Variants in CHCHD6 observed in about 807,000 individuals in gnomAD.
CHCHD6 encodes MICOS complex subunit MIC25.
In CHCHD6, 28 loss-of-function variants were observed where a neutral mutation model predicts 32.3. That is an observed-to-expected ratio of 0.87 (90% CI 0.64 to 1.19). The LOEUF (loss-of-function observed/expected upper bound fraction) is 1.19. CHCHD6 is among the 50% of genes most tolerant of loss of function. The pLI, the probability that CHCHD6 is intolerant of heterozygous loss-of-function variation, is 0.00. For synonymous variants in CHCHD6, 122 were observed against 117.5 expected, an observed-to-expected ratio of 1.04 and a Z score of -0.25; for missense variants, 333 against 307.0, an observed-to-expected ratio of 1.08 and a Z score of -0.63.
intron 4 of CHCHD6, among the ~76,000 whole-genome samples, chr3:126,750,597 C>A (rs770037929): frequency 7.2e-4 from 109 of 152,344 alleles, no homozygotes; most frequent in South Asian, 1.0e-3. Context: ...TAGGGGCAGG[C>A]CTTGGTTGGG....
intron 4 of CHCHD6, among the ~76,000 whole-genome samples, chr3:126,744,493 T>C (rs1048013553): frequency 3.9e-5 from 6 of 152,190 alleles, no homozygotes; most frequent in African/African-American, 1.2e-4. Context: ...CTCCTGTGTG[T>C]TGGCTATGAG....
intron 4 of CHCHD6, among the ~76,000 whole-genome samples, chr3:126,809,396 A>G (rs1939560661): frequency 6.6e-6 from 1 of 152,202 alleles, no homozygotes; most frequent in Non-Finnish European, 1.5e-5. Flanking sequence ...CTTCAAAGAC[A>G]TGCTCAGGAT....
intron 4 of CHCHD6, among the ~76,000 whole-genome samples, chr3:126,804,349 A>T (rs1249417949): frequency 2.0e-5 from 3 of 152,158 alleles, no homozygotes; most frequent in African/African-American, 7.2e-5. Context: ...GAGAAGAATC[A>T]AATAGACGCA....
At chr3:126,766,810 G>T (rs1227218229) in intron 4 of CHCHD6, 1 of 1,016,938 alleles carries the variant, frequency 9.8e-7, no homozygotes, top group African/African-American at 1.6e-5. Context: ...GATGGCAAAG[G>T]AGCAGGTGTA....
chr3:126,768,633 G>A (rs550251870), intron 4 of CHCHD6, among the ~76,000 whole-genome samples: 1 of 152,212 alleles, frequency 6.6e-6, no homozygotes, highest in Admixed American at 6.5e-5. Context: ...TAAGTTCTTT[G>A]GGGAATCTCG....
intron 5 of CHCHD6, among the ~76,000 whole-genome samples, chr3:126,858,123 T>C (rs938192774): frequency 3.3e-5 from 5 of 152,052 alleles, no homozygotes; most frequent in Non-Finnish European, 7.4e-5. Context: ...GGTGCTGCTG[T>C]TGGAACTCCA....
chr3:126,910,059 T>C (rs1202443843), intron 5 of CHCHD6, among the ~76,000 whole-genome samples: 5 of 152,162 alleles, frequency 3.3e-5, no homozygotes, highest in Non-Finnish European at 7.4e-5. Flanking sequence ...GGCAGATCAC[T>C]TGAGCCCAGG....
chr3:126,778,079 C>T (rs1349103), intron 4 of CHCHD6, among the ~76,000 whole-genome samples: 53,476 of 152,110 alleles, frequency 0.35, 11,540 homozygotes, highest in African/African-American at 0.61. Context: ...TCAAGATTCA[C>T]CTATGCTGTA....
chr3:126,746,676 CAT>C (rs915867436), intron 4 of CHCHD6, among the ~76,000 whole-genome samples: 12 of 152,316 alleles, frequency 7.9e-5, no homozygotes, highest in Middle Eastern at 3.4e-3. Flanking sequence ...CGCCATGTCA[CAT>C]GTGTGGAATT....
chr3:126,882,317 G>A (rs1276398539), intron 5 of CHCHD6, among the ~76,000 whole-genome samples: 1 of 152,196 alleles, frequency 6.6e-6, no homozygotes, highest in Non-Finnish European at 1.5e-5. Flanking sequence ...TTCACGCATG[G>A]AGATGCCTAC....
At chr3:126,846,201 C>G (rs1019860429) in intron 4 of CHCHD6, among the ~76,000 whole-genome samples, 5 of 152,090 alleles carry the variant, frequency 3.3e-5, no homozygotes, top group Admixed American at 1.3e-4. Flanking sequence ...TGAAAGAGAC[C>G]CCACTTATAA....
chr3:126,705,527 T>C (rs1934444393), intron 1 of CHCHD6, among the ~76,000 whole-genome samples: 1 of 152,168 alleles, frequency 6.6e-6, no homozygotes, highest in South Asian at 2.1e-4. Context: ...ATGTAAATAG[T>C]AAGTGGGAGA....
chr3:126,890,502 C>G (rs552930286), intron 5 of CHCHD6, among the ~76,000 whole-genome samples: 1 of 152,254 alleles, frequency 6.6e-6, no homozygotes, highest in East Asian at 1.9e-4. Flanking sequence ...CCCCAGGACT[C>G]TGCGAGGCCC....
intron 4 of CHCHD6, among the ~76,000 whole-genome samples, chr3:126,810,071 GT>G (rs1939594493): frequency 1.3e-5 from 2 of 152,164 alleles, no homozygotes; most frequent in Non-Finnish European, 2.9e-5. Context: ...GAATCAGAGT[GT>G]CTTCATACAA....
At chr3:126,733,422 T>C (rs1018055870) in intron 4 of CHCHD6, among the ~76,000 whole-genome samples, 200 bp downstream of exon 4, 2 of 152,188 alleles carry the variant, frequency 1.3e-5, no homozygotes, top group Non-Finnish European at 2.9e-5. Flanking sequence ...TGTCAGTGAT[T>C]TGCTTTGCTG....
intron 4 of CHCHD6, among the ~76,000 whole-genome samples, chr3:126,803,583 G>C (rs573911446): frequency 1.9e-3 from 294 of 152,068 alleles, no homozygotes; most frequent in South Asian, 7.5e-3. Flanking sequence ...GAGTGACCTA[G>C]AAAGAGACTT....
rs6804224 is a variant in CHCHD6, at chr3:126,704,269, C to T, written c.-44C>T. The T allele has an allele frequency of 5.8e-3, 8,765 of 1,520,410 alleles. 270 individuals are homozygous for T. The African/African-American group carries it at 0.081, about 14-fold the overall frequency. 94.2% of individuals were successfully genotyped at this position (1,520,410 alleles called of 1,614,324 possible). A position where few individuals can be genotyped will look rare whatever the true frequency, so the allele number is the denominator to read the frequency against. On this transcript the variant is annotated 5_prime_UTR_variant, in exon 1 of 8. Coordinates refer to ENST00000290913, the MANE Select transcript of CHCHD6 (RefSeq NM_032343.3). Reference sequence around the variant, plus strand: ...CGTTGTTGGCCCGGTTGCTCTGGAGCCGGGTCTCGGGTCTGGTGGCTGCCG... The same window carrying T: ...CGTTGTTGGCCCGGTTGCTCTGGAGTCGGGTCTCGGGTCTGGTGGCTGCCG...
intron 5 of CHCHD6, among the ~76,000 whole-genome samples, chr3:126,855,722 C>A (rs1388862022): frequency 1.3e-5 from 2 of 152,148 alleles, no homozygotes; most frequent in African/African-American, 4.8e-5. Flanking sequence ...TGTCACAGAA[C>A]AAGGCCTTTG....
At chr3:126,855,328 G>A (rs907454223) in intron 5 of CHCHD6, among the ~76,000 whole-genome samples, 4 of 152,132 alleles carry the variant, frequency 2.6e-5, no homozygotes, top group African/African-American at 7.2e-5. Context: ...CTTTCAGCTC[G>A]GTTTCTCCAT....
Sources: allele counts gnomAD v4.1 joint callset (sites outside exome capture counted in the v4.1 genomes callset), GRCh38; gene constraint gnomAD v4.1.1; transcripts MANE v1.5; gene names NCBI Gene and HGNC (gene_info 2026-07-23, HGNC 2026-07-21).